Variants in LARGE1 observed in about 807,000 individuals in gnomAD.
LARGE1 encodes the protein LARGE xylosyl- and glucuronyltransferase 1.
LARGE1 carries 43 observed loss-of-function variants against 87.6 expected under a neutral mutation model. That is an observed-to-expected ratio of 0.49 (90% CI 0.38 to 0.63). The LOEUF is 0.63. Among genes scored for constraint, LARGE1 ranks in the 30% least tolerant of loss-of-function variants. The pLI, the probability that LARGE1 is intolerant of heterozygous loss-of-function variation, is 0.00. For synonymous variants in LARGE1, 434 were observed against 394.6 expected, an observed-to-expected ratio of 1.10 and a Z score of -1.18; for missense variants, 802 against 1,000.2, an observed-to-expected ratio of 0.80 and a Z score of 2.67.
chr22:33,559,073 G>A (rs1227259511), intron 6 of LARGE1, among the ~76,000 whole-genome samples: 3 of 152,216 alleles, frequency 2.0e-5, no homozygotes, highest in Non-Finnish European at 4.4e-5. Context: ...CTGACACCGG[G>A]TAATTTATAA....
the LARGE1 span, among the ~76,000 whole-genome samples, chr22:33,104,889 C>CTCTTTCTT: frequency 0.041 from 3,620 of 88,886 alleles, 81 homozygotes; most frequent in African/African-American, 0.051. Context: ...GACTTTCTCT[C>CTCTTTCTT]TCTTTCTTTC....
In LARGE1 at chr22:33,708,751, C is replaced by T. The variant is rs571810667; in HGVS notation, c.106+52620G>A. Among the ~76,000 whole-genome samples, 52 of 152,318 alleles carry T rather than the reference C, an allele frequency of 3.4e-4. No homozygotes were observed. In the South Asian group the frequency reaches 0.01, roughly 30 times the overall value. On this transcript the variant is annotated intron_variant, in intron 2 of 14. Transcript: ENST00000397394. ...GAGTAGGTGGGATTGCAGGCATGTG[C>T]TACCACACCAAGCTAATGTTTGTAT...
intron 9 of LARGE1, among the ~76,000 whole-genome samples, chr22:33,344,436 G>A (rs1039378465): frequency 2.6e-5 from 4 of 152,056 alleles, no homozygotes; most frequent in Non-Finnish European, 4.4e-5. Flanking sequence ...GTATGATAAC[G>A]TGCATTTAAA....
chr22:33,592,419 G>A (rs1355112244), intron 5 of LARGE1, among the ~76,000 whole-genome samples: 1 of 151,520 alleles, frequency 6.6e-6, no homozygotes, highest in South Asian at 2.1e-4. Flanking sequence ...ATTTCATTGG[G>A]GTCATGTCTG....
chr22:33,570,206 C>T (rs143044083), intron 5 of LARGE1, among the ~76,000 whole-genome samples: 3 of 152,226 alleles, frequency 2.0e-5, no homozygotes, highest in Non-Finnish European at 4.4e-5. Context: ...CAGCCTCATG[C>T]GGGGCAAGCA....
At chr22:33,670,564 TGCA>T (rs949202945) in intron 2 of LARGE1, among the ~76,000 whole-genome samples, 4 of 152,244 alleles carry the variant, frequency 2.6e-5, no homozygotes, top group African/African-American at 9.6e-5. Context: ...TCTAGAGAAG[TGCA>T]GCAATTCTCA....
the LARGE1 span, among the ~76,000 whole-genome samples, chr22:33,150,852 T>C: frequency 6.6e-6 from 1 of 152,224 alleles, no homozygotes; most frequent in Non-Finnish European, 1.5e-5. Flanking sequence ...TTACTATAGC[T>C]ATATAGTAAG....
intron 6 of LARGE1, among the ~76,000 whole-genome samples, chr22:33,441,091 T>TTTTTTTTTTTTTTTTTTGTGG (rs2067457012): frequency 7.0e-6 from 1 of 143,466 alleles, no homozygotes; most frequent in African/African-American, 2.7e-5. Flanking sequence ...TTTTTTTTTT[T>TTTTTTTTTTTTTTTTTTGTGG]GAGAGGGAGT....
At chr22:33,745,133 A>G (rs1403844807) in intron 2 of LARGE1, among the ~76,000 whole-genome samples, 4 of 152,202 alleles carry the variant, frequency 2.6e-5, no homozygotes, top group Non-Finnish European at 5.9e-5. Flanking sequence ...CCAAGAAAAT[A>G]TGCAATCCAA....
chr22:33,391,664 A>C (rs1009354827), intron 7 of LARGE1, among the ~76,000 whole-genome samples: 15 of 152,132 alleles, frequency 9.9e-5, no homozygotes, highest in African/African-American at 3.4e-4. Flanking sequence ...TTCTCCCAAA[A>C]AAGAAAATTT....
At chr22:33,239,537 T>TTC (rs1202357540) in intron 11 of LARGE1, among the ~76,000 whole-genome samples, 2 of 114,180 alleles carry the variant, frequency 1.8e-5, no homozygotes, top group African/African-American at 8.4e-5. Flanking sequence ...TTTCTTTTCT[T>TTC]TTTTTTTTTT....
chr22:33,660,669 T>A (rs980226608), intron 2 of LARGE1, among the ~76,000 whole-genome samples: 1 of 152,324 alleles, frequency 6.6e-6, no homozygotes, highest in East Asian at 1.9e-4. Flanking sequence ...TTGGACACAA[T>A]CCCCTTTGTT....
chr22:33,304,844 A>G (rs1454063216), intron 11 of LARGE1, among the ~76,000 whole-genome samples: 1 of 152,168 alleles, frequency 6.6e-6, no homozygotes. Context: ...TTCTCTCTCC[A>G]CAAAGGTATA....
chr22:33,785,772 C>T (rs1244940131), intron 1 of LARGE1, among the ~76,000 whole-genome samples: 1 of 152,048 alleles, frequency 6.6e-6, no homozygotes, highest in African/African-American at 2.4e-5. Flanking sequence ...GAAAGGGTCA[C>T]CTGGTGATTT....
chr22:33,599,783 G>A (rs537359362), intron 5 of LARGE1, among the ~76,000 whole-genome samples: 59 of 152,290 alleles, frequency 3.9e-4, no homozygotes, highest in Non-Finnish European at 6.2e-4. Flanking sequence ...AAGGGAGGCC[G>A]TCACGGGTGT....
intron 11 of LARGE1, among the ~76,000 whole-genome samples, chr22:33,190,678 T>C (rs1158965093): frequency 1.3e-5 from 2 of 152,174 alleles, no homozygotes; most frequent in Non-Finnish European, 2.9e-5. Flanking sequence ...TCACCACAAA[T>C]GCAGATCTTG....
At chr22:33,913,846 C>T (rs999418872) in intron 1 of LARGE1, among the ~76,000 whole-genome samples, 1 of 152,046 alleles carries the variant, frequency 6.6e-6, no homozygotes, top group African/African-American at 2.4e-5. Flanking sequence ...CTGTGCCCAA[C>T]CGAAAAGTCC....
intron 2 of LARGE1, among the ~76,000 whole-genome samples, chr22:33,696,167 C>A (rs1171017389): frequency 6.6e-6 from 1 of 151,962 alleles, no homozygotes; most frequent in Non-Finnish European, 1.5e-5. Flanking sequence ...TTTGCAATAA[C>A]AGTTTCATAG....
chr22:33,822,652 C>G (rs113371665), intron 1 of LARGE1, among the ~76,000 whole-genome samples: 39,464 of 151,996 alleles, frequency 0.26, 5,270 homozygotes, highest in Middle Eastern at 0.37. Context: ...GAGCCGAGAT[C>G]ACGCCACTGC....
Sources: gnomAD v4.1 joint callset for allele counts (sites outside exome capture counted in the v4.1 genomes callset) on GRCh38, gnomAD v4.1.1 for gene constraint, MANE v1.5 for transcripts, NCBI Gene and HGNC (gene_info 2026-07-23, HGNC 2026-07-21) for gene names.